The following HMGA2 variants were observed in gnomAD, a reference collection of about 807,000 sequenced individuals.
HMGA2 encodes the protein high mobility group protein HMGI-C.
HMGA2 carries 8 observed loss-of-function variants against 19.1 expected under a neutral mutation model. That is an observed-to-expected ratio of 0.42 (90% CI 0.25 to 0.76). The LOEUF is 0.76. HMGA2 is among the 30% of genes least tolerant of loss of function. The pLI is 0.28. For synonymous variants in HMGA2, 60 were observed against 48.8 expected (o/e 1.23, Z -0.96); for missense variants, 109 against 136.3 (o/e 0.80, Z 1.00).
At chr12:65,952,625 AT>A in intron 4 of HMGA2, 1 of 687,876 alleles carries the variant, frequency 1.5e-6, no homozygotes, top group South Asian at 3.9e-5. Context: ...TTTAAGCAAT[AT>A]TTAAAAATAT....
chr12:65,860,385 C>T (rs951243297), intron 3 of HMGA2, among the ~76,000 whole-genome samples: 2 of 152,172 alleles, frequency 1.3e-5, no homozygotes, highest in African/African-American at 2.4e-5. Flanking sequence ...TTCTACTGAA[C>T]GTGTATCACT....
chr12:65,903,653 C>G (rs1457858482), intron 3 of HMGA2, among the ~76,000 whole-genome samples: 1 of 152,014 alleles, frequency 6.6e-6, no homozygotes, highest in Non-Finnish European at 1.5e-5. Context: ...TAAATGTTAG[C>G]AAAATGCTTC....
intron 3 of HMGA2, among the ~76,000 whole-genome samples, chr12:65,880,388 T>C (rs545516568): frequency 6.6e-6 from 1 of 152,334 alleles, no homozygotes; most frequent in South Asian, 2.1e-4. Flanking sequence ...TTTTGTGCCA[T>C]GAAACACGTG....
intron 3 of HMGA2, among the ~76,000 whole-genome samples, chr12:65,879,888 G>A (rs959237623): frequency 2.6e-5 from 4 of 152,112 alleles, no homozygotes; most frequent in African/African-American, 7.2e-5. Flanking sequence ...TTTCAGTCTG[G>A]TATCTTTTAA....
intron 4 of HMGA2, chr12:65,952,365 G>T (rs1188876547): frequency 1.3e-6 from 2 of 1,534,306 alleles, no homozygotes; most frequent in Non-Finnish European, 1.7e-6. Flanking sequence ...GGTCAATGTT[G>T]CCTTGCCTGG....
chr12:65,873,309 T>C (rs1045190493), intron 3 of HMGA2, among the ~76,000 whole-genome samples: 1 of 152,236 alleles, frequency 6.6e-6, no homozygotes, highest in African/African-American at 2.4e-5. Flanking sequence ...CTCTAGGTTC[T>C]GTTGTCTGGT....
chr12:65,905,992 C>G (rs528713430), intron 3 of HMGA2, among the ~76,000 whole-genome samples: 1 of 152,028 alleles, frequency 6.6e-6, no homozygotes, highest in East Asian at 1.9e-4. Context: ...TCTAAGTAAC[C>G]AGATTAGATC....
chr12:65,874,849 C>T (rs1047350153), intron 3 of HMGA2, among the ~76,000 whole-genome samples: 1 of 152,162 alleles, frequency 6.6e-6, no homozygotes, highest in Non-Finnish European at 1.5e-5. Context: ...CAGTTTGGTG[C>T]TCCATCTCAG....
At chr12:65,897,685 C>A (rs141728980) in intron 3 of HMGA2, among the ~76,000 whole-genome samples, 2 of 152,164 alleles carry the variant, frequency 1.3e-5, no homozygotes, top group Non-Finnish European at 2.9e-5. Flanking sequence ...AAAGGCCGGG[C>A]GTGGTGGCTC....
rs150900380 is a variant in HMGA2, at chr12:65,929,855, A to C, written c.250-21528A>C. Among the ~76,000 whole-genome samples the C allele has an allele frequency of 1.5e-3, 223 of 152,310 alleles. 2 individuals are homozygous for C. The Middle Eastern group carries it at 0.051, about 35-fold the overall frequency. On this transcript the variant is annotated intron_variant, in intron 3 of 4. Coordinates refer to ENST00000403681, the MANE Select transcript of HMGA2 (RefSeq NM_003483.6). ...GGTTGTTTGCCCTTACCGAGATAAA[A>C]TCACTGATAAGTTGAATGCATTTTT...
intron 2 of HMGA2, among the ~76,000 whole-genome samples, chr12:65,832,896 T>C (rs145195825): frequency 6.6e-6 from 1 of 152,114 alleles, no homozygotes; most frequent in African/African-American, 2.4e-5. Context: ...ATTTTTATGA[T>C]TACAAAGAAG....
rs1870036403 is a variant in HMGA2 at position 65,824,725 on chromosome 12, CT to C, written c.-545del. ...CAATCTCAATCTCTTCTCTCTCTCT[CT>C]CTCTCTCTCTCTCTCTCTCTCTCTC... On this transcript the variant is annotated 5_prime_UTR_variant, in exon 1 of 5. Coordinates refer to ENST00000403681, the MANE Select transcript of HMGA2 (RefSeq NM_003483.6). The C allele has an allele frequency of 1.4e-5, 2 of 147,074 alleles. No individual in the cohort carries two copies. Among genetic ancestry groups the C allele is most frequent in the South Asian group, 2.7e-4 (1 of 3,678 alleles). 9.1% of individuals were successfully genotyped at this position (147,074 alleles called of 1,614,324 possible). A position where few individuals can be genotyped will look rare whatever the true frequency, so the allele number is the denominator to read the frequency against.
At chr12:65,953,802 C>T (rs192801273) in intron 4 of HMGA2, 5 of 152,268 alleles carry the variant, frequency 3.3e-5, no homozygotes, top group Admixed American at 1.3e-4. Flanking sequence ...ATGAAAACTA[C>T]GTGAAAGTTC....
At position 65,882,081 on chromosome 12, in the gene HMGA2, T is replaced by C. The variant is rs953037113; in HGVS notation, c.249+43512T>C. 2.7e-5 allele frequency: 15 copies of C among 558,638 alleles called. No individual in the cohort carries two copies. The South Asian group carries it at 2.8e-4, about 10-fold the overall frequency. 34.6% of individuals were successfully genotyped at this position (558,638 alleles called of 1,614,324 possible). A position where few individuals can be genotyped will look rare whatever the true frequency, so the allele number is the denominator to read the frequency against. On this transcript the variant is annotated intron_variant, in intron 3 of 4. Coordinates refer to ENST00000403681, the MANE Select transcript of HMGA2 (RefSeq NM_003483.6). The stretch of plus-strand genomic sequence containing the variant: ...GCTGTCCACCTTGTCCGGAGGGGAA[T>C]GAGCGTGGAAACCCCTGGCGGCTGT...
chr12:65,906,104 T>A (rs1191001465), intron 3 of HMGA2, among the ~76,000 whole-genome samples: 1 of 152,232 alleles, frequency 6.6e-6, no homozygotes, highest in Non-Finnish European at 1.5e-5. Context: ...TTAGTTGCTG[T>A]TCCATATGTT....
chr12:65,840,713 A>G (rs1006989968), intron 3 of HMGA2, among the ~76,000 whole-genome samples: 1 of 152,244 alleles, frequency 6.6e-6, no homozygotes, highest in African/African-American at 2.4e-5. Context: ...AGGACATCCC[A>G]TACCATTGAA....
intron 2 of HMGA2, chr12:65,828,573 G>T (rs997426483): frequency 5.8e-6 from 1 of 173,708 alleles, no homozygotes; most frequent in African/African-American, 2.4e-5. Context: ...CCAAATAGAC[G>T]ATAATTAGAA....
At chr12:65,859,350 T>C (rs1427482572) in intron 3 of HMGA2, 5 of 152,250 alleles carry the variant, frequency 3.3e-5, no homozygotes, top group Non-Finnish European at 7.3e-5. Context: ...TCTTGTTACA[T>C]GTGTGTCCTG....
rs1279091608 is a variant in HMGA2 at position 65,824,751 on chromosome 12, C to G, written c.-520C>G. 2 of 229,088 alleles carry G rather than the reference C, an allele frequency of 8.7e-6. No individual in the cohort carries two copies. The highest frequency in any genetic ancestry group is 2.4e-5 in the African/African-American group (1 of 41,984). The allele number at this position is 229,088 out of a possible 1,614,324, so 14.2% of individuals were successfully genotyped here. A position where few individuals can be genotyped will look rare whatever the true frequency, so the allele number is the denominator to read the frequency against. On this transcript the variant is annotated 5_prime_UTR_variant, in exon 1 of 5. Coordinates refer to ENST00000403681, the MANE Select transcript of HMGA2 (RefSeq NM_003483.6). ...TCTCTCTCTCTCTCTCTCTCTCTCT[C>G]TCTCTCTCTCTCTCTCTCGCAGGGT... is the stretch of plus-strand genomic sequence containing the variant.
Sources: allele counts gnomAD v4.1 joint callset (sites outside exome capture counted in the v4.1 genomes callset), GRCh38; gene constraint gnomAD v4.1.1; transcripts MANE v1.5; gene names NCBI Gene and HGNC (gene_info 2026-07-23, HGNC 2026-07-21).